ZNG1F: variants seen among roughly 807,000 people sequenced by gnomAD.
ZNG1F encodes zinc-regulated GTPase metalloprotein activator 1F.
At chr9:41,135,133 A>G in the ZNG1F span, among the ~76,000 whole-genome samples, 2 of 37,334 alleles carry the variant, frequency 5.4e-5, 1 homozygote, top group African/African-American at 1.2e-4. Context: ...TTAGAATAAT[A>G]GTCTCCAATC....
the ZNG1F span, among the ~76,000 whole-genome samples, chr9:41,204,999 C>A: frequency 6.7e-6 from 1 of 149,762 alleles, no homozygotes; most frequent in African/African-American, 2.4e-5. Context: ...TTCGTATGTT[C>A]AGATGAATCC....
chr9:41,190,848 C>T, the ZNG1F span, among the ~76,000 whole-genome samples: 1 of 143,876 alleles, frequency 7.0e-6, no homozygotes. Flanking sequence ...CCTTCCTTCT[C>T]TGAAATTCCC....
chr9:41,158,669 C>A, the ZNG1F span: 2 of 59,958 alleles, frequency 3.3e-5, no homozygotes, highest in Non-Finnish European at 6.7e-5. Context: ...AGTCTCTCAC[C>A]AAATTTTCAA....
the ZNG1F span, among the ~76,000 whole-genome samples, chr9:41,178,830 T>C: frequency 9.3e-6 from 1 of 108,090 alleles, no homozygotes; most frequent in African/African-American, 3.3e-5. Flanking sequence ...CCTCCCAAAG[T>C]GCTGAGATTA....
the ZNG1F span, chr9:41,174,418 T>G: frequency 6.3e-7 from 1 of 1,590,884 alleles, no homozygotes; most frequent in Non-Finnish European, 8.5e-7. Context: ...ATTCTATCCA[T>G]GTTTTAATTT....
At chr9:41,154,810 G>A in the ZNG1F span, among the ~76,000 whole-genome samples, 1 of 150,160 alleles carries the variant, frequency 6.7e-6, no homozygotes, top group Non-Finnish European at 1.5e-5. Flanking sequence ...TATGTCGAAA[G>A]CTGAAACTGG....
the ZNG1F span, among the ~76,000 whole-genome samples, chr9:41,154,749 T>G: frequency 6.7e-6 from 1 of 150,110 alleles, no homozygotes; most frequent in Admixed American, 6.7e-5. Context: ...AAACAAGCAG[T>G]GGGGAAAGAT....
At chr9:41,149,067 TAGTC>T in the ZNG1F span, among the ~76,000 whole-genome samples, 1 of 7,500 alleles carries the variant, frequency 1.3e-4, no homozygotes, top group African/African-American at 4.6e-4. Flanking sequence ...AAAAAAAAAT[TAGTC>T]AGGCATGGTG....
At chr9:41,144,373 T>C in the ZNG1F span, among the ~76,000 whole-genome samples, 1 of 81,880 alleles carries the variant, frequency 1.2e-5, no homozygotes, top group East Asian at 4.2e-4. Context: ...ATACCGACTA[T>C]CATAAAGAAC....
the ZNG1F span, among the ~76,000 whole-genome samples, chr9:41,168,446 A>G: frequency 6.5e-5 from 2 of 30,554 alleles, 1 homozygote; most frequent in African/African-American, 1.4e-4. Context: ...TCCTATTGTT[A>G]TATACTCTGC....
chr9:41,200,712 T>TA, the ZNG1F span, among the ~76,000 whole-genome samples: 1 of 152,226 alleles, frequency 6.6e-6, no homozygotes, highest in Admixed American at 6.6e-5. Context: ...TTATTGGACT[T>TA]ACGGTTCCAC....
chr9:41,154,541 C>T, the ZNG1F span, among the ~76,000 whole-genome samples: 14 of 136,976 alleles, frequency 1.0e-4, no homozygotes, highest in African/African-American at 2.5e-4. Flanking sequence ...GAGCCCGCAT[C>T]GCCAAGTCAA....
chr9:41,141,168 A>T, the ZNG1F span, among the ~76,000 whole-genome samples: 1 of 151,702 alleles, frequency 6.6e-6, no homozygotes. Flanking sequence ...ATATTTTGGA[A>T]CCAGATGTTT....
At chr9:41,159,054 G>T in the ZNG1F span, 1 of 148,302 alleles carries the variant, frequency 6.7e-6, no homozygotes, top group South Asian at 2.1e-4. Context: ...TTTTCCCTAT[G>T]TCTAAAGGCT....
At chr9:41,157,524 G>C in the ZNG1F span, 1 of 141,058 alleles carries the variant, frequency 7.1e-6, no homozygotes, top group Non-Finnish European at 1.5e-5. Context: ...AAGCTAAGGT[G>C]AAGAAATATT....
the ZNG1F span, among the ~76,000 whole-genome samples, chr9:41,175,504 TTTAATTAATGAGGGG>T: frequency 1.4e-5 from 2 of 143,480 alleles, no homozygotes; most frequent in Non-Finnish European, 3.0e-5. Context: ...AAAACATGAT[TTTAATTAATGAGGGG>T]GAAAATTAAA....
chr9:41,164,984 C>A, the ZNG1F span: 1 of 1,584,158 alleles, frequency 6.3e-7, no homozygotes, highest in Non-Finnish European at 8.5e-7. Flanking sequence ...AGGCACTTAA[C>A]ACACATCATT....
At chr9:41,177,150 G>GT in the ZNG1F span, 1 of 142,354 alleles carries the variant, frequency 7.0e-6, no homozygotes, top group Admixed American at 7.1e-5. Flanking sequence ...AAATGCAAAG[G>GT]TAAAAGACAA....
At chr9:41,185,586 T>C in the ZNG1F span, among the ~76,000 whole-genome samples, 2 of 151,024 alleles carry the variant, frequency 1.3e-5, no homozygotes, top group Non-Finnish European at 1.5e-5. Flanking sequence ...GGCAGGAGAA[T>C]CACTTTAACC....
Sources: allele counts gnomAD v4.1 joint callset (sites outside exome capture counted in the v4.1 genomes callset), GRCh38; gene constraint gnomAD v4.1.1; transcripts MANE v1.5; gene names NCBI Gene and HGNC (gene_info 2026-07-23, HGNC 2026-07-21).